The following EDARADD variants were observed in gnomAD, a reference collection of about 807,000 sequenced individuals.
The protein encoded by EDARADD is EDAR associated via death domain.
A neutral mutation model predicts 25.6 loss-of-function variants in EDARADD; 20 were observed. The observed-to-expected ratio is 0.78, with a 90% CI of 0.55 to 1.14. The LOEUF (loss-of-function observed/expected upper bound fraction) is 1.14, where lower values mean the gene tolerates loss of function less well. Ranked by LOEUF, EDARADD falls within the 50% of genes most tolerant of loss-of-function variation. EDARADD has a pLI of 0.00. For synonymous variants in EDARADD, 86 were observed against 94.4 expected, an observed-to-expected ratio of 0.91 and a Z score of 0.52; for missense variants, 225 against 270.1, an observed-to-expected ratio of 0.83 and a Z score of 1.17.
chr1:236,449,592 G>A (rs1049194496), intron 4 of EDARADD, among the ~76,000 whole-genome samples: 6 of 152,138 alleles, frequency 3.9e-5, no homozygotes, highest in African/African-American at 1.2e-4. Flanking sequence ...TTTATTATTC[G>A]TTCTGGCTAT....
intron 1 of EDARADD, among the ~76,000 whole-genome samples, chr1:236,402,213 C>T (rs933574145): frequency 1.3e-5 from 2 of 152,182 alleles, no homozygotes; most frequent in Non-Finnish European, 2.9e-5. Flanking sequence ...CTGCCCGCCT[C>T]GGCCTCCCAA....
chr1:236,409,068 TAAAA>T (rs772223735), intron 1 of EDARADD, 144 bp from the exon 2 acceptor site: 72 of 333,084 alleles, frequency 2.2e-4, no homozygotes, highest in South Asian at 3.2e-4. Flanking sequence ...TCCTATTTCT[TAAAA>T]AAAAAAAAAA....
chr1:236,358,478 TG>T (rs758118340), intron 3 of EDARADD, among the ~76,000 whole-genome samples: 1 of 152,254 alleles, frequency 6.6e-6, no homozygotes, highest in Non-Finnish European at 1.5e-5. Context: ...TTAGTTGTGA[TG>T]TTAAGGGGTC....
chr1:236,440,971 C>G (rs1336164676), intron 4 of EDARADD, among the ~76,000 whole-genome samples: 2 of 151,944 alleles, frequency 1.3e-5, no homozygotes, highest in Non-Finnish European at 2.9e-5. Context: ...CACTTCAAAT[C>G]AAAAGCTAGA....
chr1:236,455,778 T>C (rs1658841877), intron 4 of EDARADD, among the ~76,000 whole-genome samples: 1 of 149,452 alleles, frequency 6.7e-6, no homozygotes, highest in Non-Finnish European at 1.5e-5. Context: ...TCGGTTGCAC[T>C]GGAATAGAAA....
Position 236,482,466 on chromosome 1 carries a change from C to T in EDARADD, c.465C>T (p.Phe155=), listed in dbSNP as rs767229616. The T allele has an allele frequency of 6.2e-7, 1 of 1,614,114 alleles. No individual in the cohort carries two copies. The highest frequency in any genetic ancestry group is 1.1e-5 in the South Asian group (1 of 91,042). ...GGATGTCCTATGACGAATTGTGCTT[C>T]CTGGAGCAGAGGCCACAGAGCCCCA... ...KWGMSYDELC[F]LEQRPQSPTL... is the part of the protein sequence containing the mutation. The change falls in exon 6 of 6, where the codon TTC becomes TTT. Residue 155 remains phenylalanine (F), a synonymous_variant. Coordinates refer to ENST00000334232, the MANE Select transcript of EDARADD (RefSeq NM_145861.4).
chr1:236,475,067 A>G (rs1259108351), intron 5 of EDARADD, among the ~76,000 whole-genome samples: 1 of 152,178 alleles, frequency 6.6e-6, no homozygotes, highest in East Asian at 1.9e-4. Context: ...TGGGAGGCAG[A>G]GGTTGCAGTG....
In EDARADD at chr1:236,395,483, G is replaced by A; in HGVS notation, c.61+978G>A. ...GGAGAAGAAGAAGGGAGGGGAAGGC[G>A]GAGGAGGGCAGGGGCGCGCAGAGCC... On this transcript the variant is annotated intron_variant, in intron 1 of 5. Transcript: ENST00000334232. The surrounding 1 kb of genome is among the most constrained non-coding windows in gnomAD (Gnocchi z 6.9). 6.6e-7 allele frequency: 1 copy of A among 1,508,528 alleles called. No homozygotes were observed. Among genetic ancestry groups the A allele is most frequent in the Non-Finnish European group, 8.8e-7 (1 of 1,131,392 alleles). The allele number at this position is 1,508,528 out of a possible 1,614,324, so 93.4% of individuals were successfully genotyped here.
At position 236,352,585 on chromosome 1, in the gene EDARADD, C is replaced by T. The variant is rs146965983; in HGVS notation, c.-6+1746C>T. 7.7e-3 allele frequency among the ~76,000 whole-genome samples: 1,172 copies of T among 152,250 alleles called. 27 individuals are homozygous for T. Among genetic ancestry groups the T allele is most frequent in the African/African-American group, 0.026 (1,082 of 41,552 alleles). On this transcript the variant is annotated intron_variant, in intron 3 of 7. Transcript: ENST00000439430. Reference sequence around the variant, plus strand: ...AGCCAGGGCCAGGTGTGGTGGCTTACGCCTGTAATCCCAGCACTTTGGGAG... The same window carrying T: ...AGCCAGGGCCAGGTGTGGTGGCTTATGCCTGTAATCCCAGCACTTTGGGAG...
intron 1 of EDARADD, among the ~76,000 whole-genome samples, chr1:236,348,566 A>G (rs949810216): frequency 2.0e-5 from 3 of 152,222 alleles, no homozygotes; most frequent in Admixed American, 6.5e-5. Context: ...TTTTCCAAAG[A>G]TAGGCCTGGA....
intron 3 of EDARADD, among the ~76,000 whole-genome samples, chr1:236,426,135 G>C (rs662396): frequency 0.45 from 68,362 of 151,808 alleles, 17,659 homozygotes; most frequent in Non-Finnish European, 0.59. Flanking sequence ...GCACACACCA[G>C]CATGCCTGGC....
Position 236,427,711 on chromosome 1 carries a change from T to C in EDARADD, c.219+261T>C, listed in dbSNP as rs910583384. On this transcript the variant is annotated intron_variant, in intron 4 of 5. Transcript: ENST00000334232. ...CAACAGAAAATCAATGCTGGTGAGT[T>C]AGAAAGGAGAGTTGTTTTCTTTCTA... Among the ~76,000 whole-genome samples, 16 of 152,282 alleles carry C rather than the reference T, an allele frequency of 1.1e-4. 1 individual carries two copies. The East Asian group carries it at 3.1e-3, about 29-fold the overall frequency.
chr1:236,423,912 C>G (rs1263270538), intron 3 of EDARADD, among the ~76,000 whole-genome samples: 2 of 151,990 alleles, frequency 1.3e-5, no homozygotes, highest in Non-Finnish European at 2.9e-5. Context: ...TCAAAACCAG[C>G]TGGGACAACA....
In EDARADD at chr1:236,395,575, GC is replaced by G; in HGVS notation, c.61+1074del. 6.5e-7 allele frequency: 1 copy of G among 1,544,582 alleles called. No individual in the cohort carries two copies. ...CCCCGTGGTCCCACGGTCCTCCCGCGCCCCGGAGGCCTGCCAGCCCCGCTCG... is the reference window on the plus strand; with the variant it reads ...CCCCGTGGTCCCACGGTCCTCCCGCGCCCGGAGGCCTGCCAGCCCCGCTCG... On this transcript the variant is annotated intron_variant, in intron 1 of 5. Coordinates refer to ENST00000334232, the MANE Select transcript of EDARADD (RefSeq NM_145861.4). The surrounding 1 kb of genome is among the most constrained non-coding windows in gnomAD (Gnocchi z 6.9).
At chr1:236,430,161 GA>G (rs1488036687) in intron 4 of EDARADD, among the ~76,000 whole-genome samples, 3 of 152,078 alleles carry the variant, frequency 2.0e-5, no homozygotes, top group Non-Finnish European at 2.9e-5. Flanking sequence ...TTGTTTTGGG[GA>G]ATTTTCAACC....
intron 4 of EDARADD, among the ~76,000 whole-genome samples, chr1:236,439,731 A>G (rs1285090847): frequency 6.6e-6 from 1 of 152,192 alleles, no homozygotes; most frequent in Non-Finnish European, 1.5e-5. Context: ...GAGGTTTTAT[A>G]TATTTCAGAT....
intron 3 of EDARADD, among the ~76,000 whole-genome samples, chr1:236,415,413 T>C (rs1254538862): frequency 2.0e-5 from 3 of 152,198 alleles, no homozygotes; most frequent in Admixed American, 6.5e-5. Flanking sequence ...TAACCTCTCC[T>C]GCTGGGTGGT....
chr1:236,478,088 A>T (rs1659559237), intron 5 of EDARADD, among the ~76,000 whole-genome samples: 1 of 152,016 alleles, frequency 6.6e-6, no homozygotes, highest in Non-Finnish European at 1.5e-5. Flanking sequence ...GGATAGCAGG[A>T]TGAGACTGTC....
At chr1:236,438,497 A>C (rs954678873) in intron 4 of EDARADD, among the ~76,000 whole-genome samples, 1 of 152,134 alleles carries the variant, frequency 6.6e-6, no homozygotes, top group Non-Finnish European at 1.5e-5. Context: ...TTGAAAATAG[A>C]AAAACCACTT....
Sources: allele counts gnomAD v4.1 joint callset (sites outside exome capture counted in the v4.1 genomes callset), GRCh38; gene constraint gnomAD v4.1.1; non-coding constraint Gnocchi (gnomAD v3.1); transcripts MANE v1.5; gene names NCBI Gene and HGNC (gene_info 2026-07-23, HGNC 2026-07-21).